Variants in RP1 observed in about 807,000 individuals in gnomAD.
RP1 encodes the protein RP1 axonemal microtubule associated, also known as oxygen-regulated protein 1.
Under a neutral mutation model 14.8 loss-of-function variants are expected in RP1, and 16 were observed. The observed-to-expected ratio is 1.08, with a 90% CI of 0.73 to 1.65. The LOEUF (loss-of-function observed/expected upper bound fraction) is 1.65, where lower values mean the gene tolerates loss of function less well. Ranked by LOEUF, RP1 falls within the 40% of genes most tolerant of loss-of-function variation. The pLI is 0.00. For synonymous variants in RP1, 876 were observed against 883.6 expected, an observed-to-expected ratio of 0.99 and a Z score of 0.15; for missense variants, 2,631 against 2,535.0, an observed-to-expected ratio of 1.04 and a Z score of -0.81.
chr8:54,810,478 T>C (rs142674503), intron 24 of RP1, among the ~76,000 whole-genome samples: 1 of 152,282 alleles, frequency 6.6e-6, no homozygotes, highest in South Asian at 2.1e-4. Context: ...CCGGAGACCA[T>C]TGAGATCCCC....
At chr8:54,705,008 C>T (rs62514629) in intron 14 of RP1, among the ~76,000 whole-genome samples, 45,626 of 151,852 alleles carry the variant, frequency 0.3, 8,338 homozygotes, top group Middle Eastern at 0.48. Flanking sequence ...AGGGTTAGAA[C>T]GTGAAACTTT....
intron 9 of RP1, chr8:54,678,565 A>C (rs959936436): frequency 6.6e-7 from 1 of 1,515,060 alleles, no homozygotes; most frequent in Admixed American, 2.0e-5. Context: ...ACATCGAAAA[A>C]ATCCATTTCA....
intron 15 of RP1, among the ~76,000 whole-genome samples, chr8:54,710,702 C>A (rs925793893): frequency 6.6e-6 from 1 of 152,148 alleles, no homozygotes; most frequent in African/African-American, 2.4e-5. Context: ...GCAGGTCACT[C>A]TACCCTGAAG....
At chr8:54,815,809 A>G (rs1385263168) in intron 24 of RP1, among the ~76,000 whole-genome samples, 1 of 152,152 alleles carries the variant, frequency 6.6e-6, no homozygotes, top group East Asian at 1.9e-4. Context: ...AATGTTAATA[A>G]TTTTCAGAAA....
intron 17 of RP1, among the ~76,000 whole-genome samples, chr8:54,732,732 T>C (rs1355791871): frequency 6.6e-6 from 1 of 152,192 alleles, no homozygotes; most frequent in African/African-American, 2.4e-5. Context: ...TGTGTTTGAC[T>C]AGAAATGTCA....
At chr8:54,788,022 T>C (rs2129383006) in intron 24 of RP1, among the ~76,000 whole-genome samples, 1 of 152,344 alleles carries the variant, frequency 6.6e-6, no homozygotes, top group Non-Finnish European at 1.5e-5. Flanking sequence ...ATATAAAGTA[T>C]AAAACACTCT....
In RP1 at chr8:54,626,624, T is replaced by G. The variant is rs1167023212; in HGVS notation, c.2742T>G (p.Asn914Lys). The change falls in exon 4 of 4, where the codon AAT becomes AAG. Residue 914 changes from asparagine to lysine, a missense_variant. Coordinates refer to ENST00000220676, the MANE Select transcript of RP1 (RefSeq NM_006269.2). The stretch of plus-strand genomic sequence containing the variant: ...CTATTGCTCATCATTCAATTCAAAA[T>G]TATATACAGAGTTGGTTGCAGAACA... ...PEAIAHHSIQ[N>K]YIQSWLQNIN... 4.3e-6 allele frequency: 7 copies of G among 1,613,590 alleles called. No individual in the cohort carries two copies. Among genetic ancestry groups the G allele is most frequent in the Admixed American group, 3.3e-5 (2 of 59,956 alleles).
intron 3 of RP1, among the ~76,000 whole-genome samples, chr8:54,639,129 T>C (rs2129321798): frequency 6.6e-6 from 1 of 152,330 alleles, no homozygotes; most frequent in Admixed American, 6.5e-5. Flanking sequence ...ATGGATTCAC[T>C]TTCTGTGGCT....
At chr8:54,818,908 T>C (rs572381360) in intron 24 of RP1, among the ~76,000 whole-genome samples, 3 of 152,068 alleles carry the variant, frequency 2.0e-5, no homozygotes, top group South Asian at 4.2e-4. Context: ...AAGGCTTAAG[T>C]AGGGGCAGAA....
At chr8:54,592,468 C>A (rs1333503974) in intron 1 of RP1, among the ~76,000 whole-genome samples, 1 of 152,172 alleles carries the variant, frequency 6.6e-6, no homozygotes, top group Non-Finnish European at 1.5e-5. Context: ...CTCATCAGGC[C>A]AGTTCTATGA....
chr8:54,630,780 C>CTGATT lies in RP1; in HGVS notation c.*432_*436dup, dbSNP rs1387918458. The CTGATT allele has an allele frequency of 3.0e-6, 3 of 1,003,428 alleles. No homozygotes were observed. The African/African-American group carries it at 5.2e-5, about 18-fold the overall frequency. The allele number at this position is 1,003,428 out of a possible 1,614,324, so 62.2% of individuals were successfully genotyped here. A position where few individuals can be genotyped will look rare whatever the true frequency, so the allele number is the denominator to read the frequency against. On this transcript the variant is annotated 3_prime_UTR_variant, in exon 4 of 4. Transcript: ENST00000220676. ...GTACTTCACTTATTCTTTTTAACTA[C>CTGATT]TGATTTGATAAAAAGTATGATTATA...
At chr8:54,805,555 A>G (rs1810827950) in intron 24 of RP1, among the ~76,000 whole-genome samples, 1 of 152,216 alleles carries the variant, frequency 6.6e-6, no homozygotes, top group African/African-American at 2.4e-5. Context: ...AATTTGTGCC[A>G]TGTTAATTGG....
intron 17 of RP1, among the ~76,000 whole-genome samples, chr8:54,730,768 G>A (rs920449781): frequency 2.0e-5 from 3 of 152,010 alleles, no homozygotes; most frequent in Admixed American, 1.3e-4. Flanking sequence ...ATCTCTACCA[G>A]CTTTGTGCAT....
rs766518936 is a variant in RP1, at chr8:54,629,763, C to G, written c.5881C>G (p.Gln1961Glu). 4.4e-6 allele frequency: 7 copies of G among 1,608,514 alleles called. No homozygotes were observed. In the South Asian group the frequency reaches 7.8e-5, roughly 18 times the overall value. ...LWMKIHPYLL[Q>E]TDKNVFREEN... Reference sequence around the variant, plus strand: ...GATGAAAATACACCCATATTTACTTCAGACAGACAAAAATGTGTTCAGGGA... The same window carrying G: ...GATGAAAATACACCCATATTTACTTGAGACAGACAAAAATGTGTTCAGGGA... The change falls in exon 4 of 4, where the codon CAG (glutamine) becomes GAG (glutamate). Residue 1961 changes from glutamine (Q) to glutamate (E), a missense_variant. By Grantham distance (29) the Gln-to-Glu change is conservative. Coordinates refer to ENST00000220676, the MANE Select transcript of RP1 (RefSeq NM_006269.2).
intron 24 of RP1, among the ~76,000 whole-genome samples, chr8:54,836,008 G>T (rs1474409961): frequency 1.3e-5 from 2 of 152,200 alleles, no homozygotes; most frequent in Non-Finnish European, 2.9e-5. Flanking sequence ...TATTTAGCTT[G>T]ACTGTGATGA....
intron 1 of RP1, among the ~76,000 whole-genome samples, chr8:54,585,365 A>G (rs1029300886): frequency 6.6e-6 from 1 of 152,208 alleles, no homozygotes; most frequent in Non-Finnish European, 1.5e-5. Context: ...CTGAGAGAGC[A>G]GCTGTTAGCC....
chr8:54,583,396 G>T (rs1039745899), intron 1 of RP1, among the ~76,000 whole-genome samples: 5 of 152,168 alleles, frequency 3.3e-5, no homozygotes, highest in African/African-American at 4.8e-5. Flanking sequence ...GCTGGATTCA[G>T]TTTGCCAGTA....
At chr8:54,641,553 C>A (rs1806455271) in intron 3 of RP1, among the ~76,000 whole-genome samples, 4 of 152,002 alleles carry the variant, frequency 2.6e-5, no homozygotes, top group Admixed American at 2.6e-4. Context: ...AAATTAAATA[C>A]TAAGGAATAA....
At chr8:54,830,020 A>C (rs564416931) in intron 24 of RP1, among the ~76,000 whole-genome samples, 1 of 152,310 alleles carries the variant, frequency 6.6e-6, no homozygotes, top group South Asian at 2.1e-4. Context: ...GCTTTTGGAT[A>C]TAATGTACTC....
Sources: allele counts gnomAD v4.1 joint callset (sites outside exome capture counted in the v4.1 genomes callset), GRCh38; gene constraint gnomAD v4.1.1; transcripts MANE v1.5; gene names NCBI Gene and HGNC (gene_info 2026-07-23, HGNC 2026-07-21).